The following EIF5AL1 variants were observed in gnomAD, a reference collection of about 807,000 sequenced individuals.
The protein encoded by EIF5AL1 is eukaryotic translation initiation factor 5A like 1.
A neutral mutation model predicts 9.0 loss-of-function variants in EIF5AL1; 4 were observed. That is an observed-to-expected ratio of 0.45 (90% confidence interval 0.22 to 1.02). The LOEUF (loss-of-function observed/expected upper bound fraction) is 1.02. EIF5AL1 is among the 50% of genes least tolerant of loss of function. The probability of loss-of-function intolerance (pLI) is 0.24; values close to 1 mark genes in which losing one functional copy is unlikely to be tolerated. For missense variants in EIF5AL1, 58 were observed against 194.1 expected, an observed-to-expected ratio of 0.30 and a Z score of 4.17; for synonymous variants, 40 against 75.7, an observed-to-expected ratio of 0.53 and a Z score of 2.45.
At position 79,514,083 on chromosome 10, in the gene EIF5AL1, G is replaced by A; in HGVS notation, c.*969G>A. The stretch of plus-strand genomic sequence containing the variant: ...AGCTAAGGAAGCATTCTGCTCTGGA[G>A]TAGACATGAGTGCGTGTGAAGCTTC... On this transcript the variant is annotated 3_prime_UTR_variant, in exon 1 of 1. Coordinates refer to ENST00000520547, the MANE Select transcript of EIF5AL1 (RefSeq NM_001099692.2). 6.0e-6 allele frequency: 1 copy of A among 167,158 alleles called. No individual in the cohort carries two copies. The allele number at this position is 167,158 out of a possible 1,614,324, so 10.4% of individuals were successfully genotyped here.
chr10:79,515,931 A>G lies in EIF5AL1; in HGVS notation c.*2817A>G, dbSNP rs1305298375. 2.4e-5 allele frequency: 4 copies of G among 167,054 alleles called. No homozygotes were observed. The highest frequency in any genetic ancestry group is 6.6e-5 in the Admixed American group (1 of 15,258). The allele number at this position is 167,054 out of a possible 1,614,324, so 10.3% of individuals were successfully genotyped here. A position where few individuals can be genotyped will look rare whatever the true frequency, so the allele number is the denominator to read the frequency against. On this transcript the variant is annotated 3_prime_UTR_variant, in exon 1 of 1. Coordinates refer to ENST00000520547, the MANE Select transcript of EIF5AL1 (RefSeq NM_001099692.2). ...AAAACCCAAAAAAACATGTACTAGG[A>G]TTTCAATAGAAGCAATGGGTGATCT...
At position 79,515,333 on chromosome 10, in the gene EIF5AL1, A is replaced by G. The variant is rs761549925; in HGVS notation, c.*2219A>G. 3 of 209,724 alleles carry G rather than the reference A, an allele frequency of 1.4e-5. No individual in the cohort carries two copies. The highest frequency in any genetic ancestry group is 1.1e-4 in the Admixed American group (2 of 17,950). 13.0% of individuals were successfully genotyped at this position (209,724 alleles called of 1,614,324 possible). A position where few individuals can be genotyped will look rare whatever the true frequency, so the allele number is the denominator to read the frequency against. On this transcript the variant is annotated 3_prime_UTR_variant, in exon 1 of 1. Transcript: ENST00000520547. ...TTCCCCTGTAAATCCGTGTTCTGTC[A>G]TTGACATTTTGTGACTGTAAGACAG...
At position 79,515,519 on chromosome 10, in the gene EIF5AL1, C is replaced by T. The variant is rs142505180; in HGVS notation, c.*2405C>T. 0.017 allele frequency: 2,933 copies of T among 167,900 alleles called. 97 individuals are homozygous for T. The highest frequency in any genetic ancestry group is 0.067 in the African/African-American group (2,762 of 41,516). 10.4% of individuals were successfully genotyped at this position (167,900 alleles called of 1,614,324 possible). A position where few individuals can be genotyped will look rare whatever the true frequency, so the allele number is the denominator to read the frequency against. On this transcript the variant is annotated 3_prime_UTR_variant, in exon 1 of 1. Transcript: ENST00000520547. ...TCACAGGTTGAAAGGAAAGCAACTACCTTCAGTTCTCTGAGTTCAAGAATT... is the reference window on the plus strand; with the variant it reads ...TCACAGGTTGAAAGGAAAGCAACTATCTTCAGTTCTCTGAGTTCAAGAATT...
rs1462755522 is a variant in EIF5AL1, at chr10:79,515,226, A to C, written c.*2112A>C. 3 of 385,002 alleles carry C rather than the reference A, an allele frequency of 7.8e-6. No individual in the cohort carries two copies. Among genetic ancestry groups the C allele is most frequent in the Non-Finnish European group, 1.6e-5 (3 of 190,520 alleles). 23.8% of individuals were successfully genotyped at this position (385,002 alleles called of 1,614,324 possible). Reference sequence around the variant, plus strand: ...AGGGCCAGAAGCTGTTCTTTCCCTTAAAAGGGCAAACTCATTTCCACACTA... The same window carrying C: ...AGGGCCAGAAGCTGTTCTTTCCCTTCAAAGGGCAAACTCATTTCCACACTA... On this transcript the variant is annotated 3_prime_UTR_variant, in exon 1 of 1. Coordinates refer to ENST00000520547, the MANE Select transcript of EIF5AL1 (RefSeq NM_001099692.2).
In EIF5AL1 at chr10:79,514,660, T is replaced by A. The variant is rs1386688424; in HGVS notation, c.*1546T>A. 1 of 167,016 alleles carries A rather than the reference T, an allele frequency of 6.0e-6. No homozygotes were observed. The highest frequency in any genetic ancestry group is 2.4e-5 in the African/African-American group (1 of 41,388). 10.3% of individuals were successfully genotyped at this position (167,016 alleles called of 1,614,324 possible). On this transcript the variant is annotated 3_prime_UTR_variant, in exon 1 of 1. Coordinates refer to ENST00000520547, the MANE Select transcript of EIF5AL1 (RefSeq NM_001099692.2). The stretch of plus-strand genomic sequence containing the variant: ...TCTTACATTTAGCCAAAAAGACTAG[T>A]CATGTGGCAGGAAAAATACAATGTC...
chr10:79,515,109 T>A lies in EIF5AL1; in HGVS notation c.*1995T>A, dbSNP rs1858212912. ...AAGAAGTATTTTAGGTCCATTTTAA[T>A]TCCTGCAAAGGATAAAATCCTTCTA... On this transcript the variant is annotated 3_prime_UTR_variant, in exon 1 of 1. Transcript: ENST00000520547. 9.0e-6 allele frequency: 2 copies of A among 221,164 alleles called. No individual in the cohort carries two copies. Among genetic ancestry groups the A allele is most frequent in the African/African-American group, 2.4e-5 (1 of 42,046 alleles). 13.7% of individuals were successfully genotyped at this position (221,164 alleles called of 1,614,324 possible).
chr10:79,514,349 G>T lies in EIF5AL1; in HGVS notation c.*1235G>T, dbSNP rs1335075946. ...TTTGCACCATGTGGAGGACTAGATGGAAAACAAGTAGACTGAGGGTCTGCT... is the reference window on the plus strand; with the variant it reads ...TTTGCACCATGTGGAGGACTAGATGTAAAACAAGTAGACTGAGGGTCTGCT... On this transcript the variant is annotated 3_prime_UTR_variant, in exon 1 of 1. Transcript: ENST00000520547. The T allele has an allele frequency of 6.0e-6, 1 of 167,226 alleles. No homozygotes were observed. Among genetic ancestry groups the T allele is most frequent in the South Asian group, 2.1e-4 (1 of 4,824 alleles). The allele number at this position is 167,226 out of a possible 1,614,324, so 10.4% of individuals were successfully genotyped here.
rs1858221726 is a variant in EIF5AL1, at chr10:79,515,698, C to T, written c.*2584C>T. 6.0e-6 allele frequency: 1 copy of T among 167,082 alleles called. No individual in the cohort carries two copies. The highest frequency in any genetic ancestry group is 2.4e-5 in the African/African-American group (1 of 41,440). The allele number at this position is 167,082 out of a possible 1,614,324, so 10.3% of individuals were successfully genotyped here. A position where few individuals can be genotyped will look rare whatever the true frequency, so the allele number is the denominator to read the frequency against. ...AAACATTCTCAGTAATGACTGAATT[C>T]CCACAAAGAATTCCATATAGACTGC... On this transcript the variant is annotated 3_prime_UTR_variant, in exon 1 of 1. Transcript: ENST00000520547.
rs769430476 is a variant in EIF5AL1 at position 79,513,034 on chromosome 10, T to C, written c.385T>C (p.Cys129Arg). The C allele has an allele frequency of 5.6e-6, 9 of 1,611,856 alleles. 1 individual carries two copies. The South Asian group carries it at 9.9e-5, about 18-fold the overall frequency. The change falls in exon 1 of 1, where the codon TGT becomes CGT. Residue 129 changes from cysteine (C) to arginine (R), a missense_variant. Transcript: ENST00000520547. The stretch of plus-strand genomic sequence containing the variant: ...CAAGGAGATTGAGCAGAAGTACGAC[T>C]GTGGAGAAGAGATCCTGATCACGGT... ...LGKEIEQKYD[C>R]GEEILITVLS...
At position 79,515,461 on chromosome 10, in the gene EIF5AL1, C is replaced by A. The variant is rs146183355; in HGVS notation, c.*2347C>A. On this transcript the variant is annotated 3_prime_UTR_variant, in exon 1 of 1. Transcript: ENST00000520547. ...AACAAGGTTAAGATGGTAATTATCA[C>A]GTTATACATTTTTTACCGCAGGTTA... The A allele has an allele frequency of 6.0e-6, 1 of 168,044 alleles. No individual in the cohort carries two copies. The highest frequency in any genetic ancestry group is 2.4e-5 in the African/African-American group (1 of 41,430). The allele number at this position is 168,044 out of a possible 1,614,324, so 10.4% of individuals were successfully genotyped here. A position where few individuals can be genotyped will look rare whatever the true frequency, so the allele number is the denominator to read the frequency against.
rs1475600070 is a variant in EIF5AL1, at chr10:79,512,592, C to A, written c.-58C>A. On this transcript the variant is annotated 5_prime_UTR_variant, in exon 1 of 1. Transcript: ENST00000520547. ...TCGGAGGCAGCGGTTGGGCTCGCGGCGAGCGGACGGGGTCGAGTCAGTGCC... is the reference window on the plus strand; with the variant it reads ...TCGGAGGCAGCGGTTGGGCTCGCGGAGAGCGGACGGGGTCGAGTCAGTGCC... 22 of 1,018,890 alleles carry A rather than the reference C, an allele frequency of 2.2e-5. No individual in the cohort carries two copies. Among genetic ancestry groups the A allele is most frequent in the African/African-American group, 1.8e-4 (11 of 62,330 alleles). 63.1% of individuals were successfully genotyped at this position (1,018,890 alleles called of 1,614,324 possible).
Position 79,516,181 on chromosome 10 carries a change from G to A in EIF5AL1, c.*3067G>A, listed in dbSNP as rs1322143276. 1 of 167,020 alleles carries A rather than the reference G, an allele frequency of 6.0e-6. No individual in the cohort carries two copies. Among genetic ancestry groups the A allele is most frequent in the Non-Finnish European group, 1.5e-5 (1 of 68,128 alleles). The allele number at this position is 167,020 out of a possible 1,614,324, so 10.3% of individuals were successfully genotyped here. ...AAGGAGAAAGATGAGAAGGTACAAA[G>A]TGGTTCAAGTCAAACAGCTCAACTG... On this transcript the variant is annotated 3_prime_UTR_variant, in exon 1 of 1. Transcript: ENST00000520547.
rs1043711855 is a variant in EIF5AL1 at position 79,515,211 on chromosome 10, G to A, written c.*2097G>A. On this transcript the variant is annotated 3_prime_UTR_variant, in exon 1 of 1. Coordinates refer to ENST00000520547, the MANE Select transcript of EIF5AL1 (RefSeq NM_001099692.2). The stretch of plus-strand genomic sequence containing the variant: ...AAGGGGAGAAACCTGAGGGCCAGAA[G>A]CTGTTCTTTCCCTTAAAAGGGCAAA... The A allele has an allele frequency of 5.2e-6, 2 of 386,326 alleles. No homozygotes were observed. Among genetic ancestry groups the A allele is most frequent in the African/African-American group, 2.2e-5 (1 of 45,550 alleles). 23.9% of individuals were successfully genotyped at this position (386,326 alleles called of 1,614,324 possible). A position where few individuals can be genotyped will look rare whatever the true frequency, so the allele number is the denominator to read the frequency against.
rs2475362 is a variant in EIF5AL1, at chr10:79,513,452, G to C, written c.*338G>C. The C allele has an allele frequency of 2.6e-6, 1 of 383,608 alleles. No individual in the cohort carries two copies. The highest frequency in any genetic ancestry group is 6.0e-5 in the East Asian group (1 of 16,716). The allele number at this position is 383,608 out of a possible 1,614,324, so 23.8% of individuals were successfully genotyped here. On this transcript the variant is annotated 3_prime_UTR_variant, in exon 1 of 1. Transcript: ENST00000520547. ...TAAATTCAATCTGGAATCAGAAAGC[G>C]GTGGATTCTGGCAAATGGTCCTTGT...
chr10:79,513,394 G>A lies in EIF5AL1; in HGVS notation c.*280G>A. On this transcript the variant is annotated 3_prime_UTR_variant, in exon 1 of 1. Coordinates refer to ENST00000520547, the MANE Select transcript of EIF5AL1 (RefSeq NM_001099692.2). ...GCCCTGGTGGGGGAGAAGGGGGTGG[G>A]TGCTGCTTGTGGTTTAGTCTTTTTT... is the stretch of plus-strand genomic sequence containing the variant. 4 of 556,516 alleles carry A rather than the reference G, an allele frequency of 7.2e-6. No homozygotes were observed. The South Asian group carries it at 9.8e-5, about 14-fold the overall frequency. The allele number at this position is 556,516 out of a possible 1,614,324, so 34.5% of individuals were successfully genotyped here.
Position 79,514,127 on chromosome 10 carries a change from A to G in EIF5AL1, c.*1013A>G, listed in dbSNP as rs1270124598. 2 of 167,048 alleles carry G rather than the reference A, an allele frequency of 1.2e-5. No homozygotes were observed. Among genetic ancestry groups the G allele is most frequent in the Admixed American group, 6.5e-5 (1 of 15,292 alleles). 10.3% of individuals were successfully genotyped at this position (167,048 alleles called of 1,614,324 possible). ...AAGCTTCTGATCTCCCATGAGAGCA[A>G]TGGGGACATGGGGCAGAATCTAAAA... On this transcript the variant is annotated 3_prime_UTR_variant, in exon 1 of 1. Transcript: ENST00000520547.
Position 79,513,329 on chromosome 10 carries a change from C to T in EIF5AL1, c.*215C>T, listed in dbSNP as rs1250784. On this transcript the variant is annotated 3_prime_UTR_variant, in exon 1 of 1. Coordinates refer to ENST00000520547, the MANE Select transcript of EIF5AL1 (RefSeq NM_001099692.2). Reference sequence around the variant, plus strand: ...TGGCCAGGAGCGAGCGAAGCCATGGCCTTGGTGAAGCTGCCCTCCTCTTCT... The same window carrying T: ...TGGCCAGGAGCGAGCGAAGCCATGGTCTTGGTGAAGCTGCCCTCCTCTTCT... The T allele has an allele frequency of 0.11, 68,390 of 645,408 alleles. 4,366 individuals carry two copies. Among genetic ancestry groups the T allele is most frequent in the East Asian group, 0.26 (9,381 of 36,078 alleles). 40.0% of individuals were successfully genotyped at this position (645,408 alleles called of 1,614,324 possible).
chr10:79,515,966 A>C lies in EIF5AL1; in HGVS notation c.*2852A>C, dbSNP rs1467867014. ...AAGCAATGGGTGATCTAAAAAGATG[A>C]AAGAGCAACCGCATGCGCCCTACAG... is the stretch of plus-strand genomic sequence containing the variant. On this transcript the variant is annotated 3_prime_UTR_variant, in exon 1 of 1. Coordinates refer to ENST00000520547, the MANE Select transcript of EIF5AL1 (RefSeq NM_001099692.2). 1.2e-5 allele frequency: 2 copies of C among 167,132 alleles called. No individual in the cohort carries two copies. The highest frequency in any genetic ancestry group is 4.8e-5 in the African/African-American group (2 of 41,464). 10.4% of individuals were successfully genotyped at this position (167,132 alleles called of 1,614,324 possible).
chr10:79,513,442 A>G lies in EIF5AL1; in HGVS notation c.*328A>G. ...TTTTTTTTTTTAAATTCAATCTGGA[A>G]TCAGAAAGCGGTGGATTCTGGCAAA... On this transcript the variant is annotated 3_prime_UTR_variant, in exon 1 of 1. Transcript: ENST00000520547. The G allele has an allele frequency of 2.5e-6, 1 of 402,222 alleles. No homozygotes were observed. The highest frequency in any genetic ancestry group is 4.7e-6 in the Non-Finnish European group (1 of 210,978). 24.9% of individuals were successfully genotyped at this position (402,222 alleles called of 1,614,324 possible).
Sources: allele counts gnomAD v4.1 joint callset, GRCh38; gene constraint gnomAD v4.1.1; transcripts MANE v1.5; gene names NCBI Gene and HGNC (gene_info 2026-07-23, HGNC 2026-07-21).